LGR6: variants seen among roughly 807,000 people sequenced by gnomAD.
LGR6 encodes the protein leucine-rich repeat-containing G protein-coupled receptor 6.
LGR6 carries 45 observed loss-of-function variants against 69.4 expected under a neutral mutation model. The ratio of observed to expected loss-of-function variants is 0.65; its 90% CI spans 0.51 to 0.83. The LOEUF is 0.83. LGR6 is among the 40% of genes least tolerant of loss of function. The probability of loss-of-function intolerance (pLI) is 0.00; values close to 1 mark genes in which losing one functional copy is unlikely to be tolerated. For synonymous variants in LGR6, 538 were observed against 555.0 expected (o/e 0.97, Z 0.43); for missense variants, 1,108 against 1,246.7 (o/e 0.89, Z 1.68).
chr1:202,299,330 C>G (rs1306700977), intron 7 of LGR6, among the ~76,000 whole-genome samples: 1 of 150,852 alleles, frequency 6.6e-6, no homozygotes, highest in East Asian at 1.9e-4. Flanking sequence ...TCACCAAGGT[C>G]TAACTTTTTT....
Position 202,319,380 on chromosome 1 carries a change from T to C in LGR6, c.*173T>C. The C allele has an allele frequency of 1.5e-6, 1 of 653,370 alleles. No homozygotes were observed. The highest frequency in any genetic ancestry group is 2.4e-6 in the Non-Finnish European group (1 of 416,886). 40.5% of individuals were successfully genotyped at this position (653,370 alleles called of 1,614,324 possible). On this transcript the variant is annotated 3_prime_UTR_variant, in exon 18 of 18. Coordinates refer to ENST00000367278, the MANE Select transcript of LGR6 (RefSeq NM_001017403.2). ...CTCTCCTGTGACCATCACCAACGGG[T>C]GCCTCTTGGCCTGGCTTTCCCTTGG... is the stretch of plus-strand genomic sequence containing the variant.
chr1:202,195,477 G>T (rs1200966700), intron 1 of LGR6, among the ~76,000 whole-genome samples: 2 of 152,208 alleles, frequency 1.3e-5, no homozygotes, highest in African/African-American at 2.4e-5. Flanking sequence ...AGGTAAGGGA[G>T]TGGGAAGAGA....
chr1:202,298,186 C>G (rs546952424), intron 7 of LGR6, among the ~76,000 whole-genome samples: 2 of 152,178 alleles, frequency 1.3e-5, no homozygotes, highest in Non-Finnish European at 2.9e-5. Context: ...TATATAACTC[C>G]AACCATAACT....
At position 202,309,102 on chromosome 1, in the gene LGR6, C is replaced by T. The variant is rs777550116; in HGVS notation, c.1332C>T (p.Gly444=). The T allele has an allele frequency of 1.9e-6, 3 of 1,614,026 alleles. No individual in the cohort carries two copies. In the Admixed American group the frequency reaches 5.0e-5, roughly 27 times the overall value. ...CACTGCCCCTGGCTGGACTTGGGGG[C>T]TTGATGCATCTGAAGCTCAAAGGGA... The part of the protein sequence containing the change: ...LTTLPLAGLG[G]LMHLKLKGNL... Residue 444 remains glycine (G), a synonymous_variant, in exon 15 of 18, where the codon GGC becomes GGT. Coordinates refer to ENST00000367278, the MANE Select transcript of LGR6 (RefSeq NM_001017403.2).
At chr1:202,263,690 G>A (rs1014609263) in intron 4 of LGR6, among the ~76,000 whole-genome samples, 3 of 152,170 alleles carry the variant, frequency 2.0e-5, no homozygotes, top group Non-Finnish European at 4.4e-5. Context: ...TAGGTCAGAA[G>A]GCTCTAGAAA....
rs773405570 is a variant in LGR6, at chr1:202,318,415, C to T, written c.2112C>T (p.Pro704=). Residue 704 remains proline, a synonymous_variant, in exon 18 of 18, where the codon CCC becomes CCT. Transcript: ENST00000367278. ...TGGCAGGGCTGGCCGCCGCGCTGCC[C>T]CTGGCCTCAGTGGGAGAATACGGGG... is the stretch of plus-strand genomic sequence containing the variant. ...LALAGLAAAL[P]LASVGEYGAS... 1.2e-5 allele frequency: 19 copies of T among 1,609,596 alleles called. 1 individual carries two copies. The South Asian group carries it at 1.7e-4, about 14-fold the overall frequency.
chr1:202,238,916 A>G (rs970656346), intron 4 of LGR6, among the ~76,000 whole-genome samples: 1 of 152,166 alleles, frequency 6.6e-6, no homozygotes, highest in Non-Finnish European at 1.5e-5. Flanking sequence ...AGAGCTCCCC[A>G]ACAGCTAACA....
chr1:202,259,098 C>G (rs138478441), intron 4 of LGR6, among the ~76,000 whole-genome samples: 1 of 152,132 alleles, frequency 6.6e-6, no homozygotes, highest in East Asian at 1.9e-4. Context: ...TTTAACATCA[C>G]AGTATTCTTT....
At chr1:202,304,975 C>A (rs1667877217) in intron 11 of LGR6, among the ~76,000 whole-genome samples, 1 of 152,122 alleles carries the variant, frequency 6.6e-6, no homozygotes, top group South Asian at 2.1e-4. Flanking sequence ...GAAAATTAGT[C>A]CCCTCTTGGG....
At chr1:202,290,254 C>T (rs1666698876) in intron 6 of LGR6, among the ~76,000 whole-genome samples, 1 of 152,170 alleles carries the variant, frequency 6.6e-6, no homozygotes, top group South Asian at 2.1e-4. Flanking sequence ...CAAGATGATC[C>T]TGTTGGTGCA....
At chr1:202,306,997 C>T in intron 13 of LGR6, 58 bp downstream of exon 13, 1 of 1,412,418 alleles carries the variant, frequency 7.1e-7, no homozygotes, top group South Asian at 1.2e-5. Context: ...CTCTGCTAGG[C>T]ATGCTCATTG....
chr1:202,300,659 A>G (rs79928590), intron 7 of LGR6, among the ~76,000 whole-genome samples, 190 bp from the exon 8 acceptor site: 1 of 142,876 alleles, frequency 7.0e-6, no homozygotes. Flanking sequence ...CTGTCTCAGA[A>G]AAAAAAAAAA....
At chr1:202,224,347 G>T (rs965350585) in intron 1 of LGR6, among the ~76,000 whole-genome samples, 8 of 152,242 alleles carry the variant, frequency 5.3e-5, no homozygotes, top group African/African-American at 1.9e-4. Context: ...CACCCACAGG[G>T]TCTGTCAGAT....
intron 6 of LGR6, among the ~76,000 whole-genome samples, chr1:202,283,862 T>C (rs1666201449): frequency 6.6e-6 from 1 of 152,196 alleles, no homozygotes; most frequent in Admixed American, 6.5e-5. Flanking sequence ...TGCCCTCAGC[T>C]CTGGAGACCA....
At chr1:202,266,119 AAAAT>A (rs1471403913) in intron 4 of LGR6, among the ~76,000 whole-genome samples, 18 of 152,032 alleles carry the variant, frequency 1.2e-4, no homozygotes, top group Non-Finnish European at 2.4e-4. Flanking sequence ...AAAAAAAAAA[AAAAT>A]AACAGGCAGC....
intron 1 of LGR6, chr1:202,214,240 A>G (rs1371226781): frequency 6.5e-7 from 1 of 1,541,092 alleles, no homozygotes; most frequent in African/African-American, 1.4e-5. Context: ...GCGCCCAGGT[A>G]GGCTTGGGGG....
chr1:202,302,968 ATTAAC>A (rs1037400408), intron 9 of LGR6, among the ~76,000 whole-genome samples: 6 of 152,184 alleles, frequency 3.9e-5, no homozygotes, highest in Non-Finnish European at 7.3e-5. Flanking sequence ...GCTGTTGTCT[ATTAAC>A]CAGAGGCCAT....
intron 5 of LGR6, among the ~76,000 whole-genome samples, chr1:202,280,524 C>A (rs1219098128): frequency 6.6e-6 from 1 of 152,142 alleles, no homozygotes; most frequent in Non-Finnish European, 1.5e-5. Context: ...TTAGCCTTGG[C>A]CTGAGGCTCT....
chr1:202,290,170 C>T (rs888968353), intron 6 of LGR6, among the ~76,000 whole-genome samples: 11 of 152,166 alleles, frequency 7.2e-5, no homozygotes, highest in Non-Finnish European at 1.2e-4. Context: ...ACCAGGTGAA[C>T]AGAGCAATCT....
Sources: allele counts gnomAD v4.1 joint callset (sites outside exome capture counted in the v4.1 genomes callset), GRCh38; gene constraint gnomAD v4.1.1; transcripts MANE v1.5; gene names NCBI Gene and HGNC (gene_info 2026-07-23, HGNC 2026-07-21).